The following NKAIN3 variants were observed in gnomAD, a reference collection of about 807,000 sequenced individuals.
The protein encoded by NKAIN3 is sodium/potassium-transporting ATPase subunit beta-1-interacting protein 3.
In NKAIN3, 25 loss-of-function variants were observed where a neutral mutation model predicts 30.2. That is an observed-to-expected ratio of 0.83 (90% CI 0.60 to 1.16). NKAIN3 has a LOEUF of 1.16. Ranked by LOEUF, NKAIN3 falls within the 50% of genes most tolerant of loss-of-function variation. The pLI, the probability that NKAIN3 is intolerant of heterozygous loss-of-function variation, is 0.00. For missense variants in NKAIN3, 225 were observed against 254.1 expected (o/e 0.89, Z 0.78); for synonymous variants, 91 against 89.6 (o/e 1.02, Z -0.09).
intron 2 of NKAIN3, among the ~76,000 whole-genome samples, chr8:62,586,036 A>G (rs2130089194): frequency 6.6e-6 from 1 of 152,350 alleles, no homozygotes; most frequent in Non-Finnish European, 1.5e-5. Context: ...TTGAAATAAG[A>G]TTAACCTTGA....
At chr8:62,770,919 G>A (rs1230588902) in intron 4 of NKAIN3, among the ~76,000 whole-genome samples, 4 of 151,982 alleles carry the variant, frequency 2.6e-5, no homozygotes, top group African/African-American at 9.7e-5. Flanking sequence ...AGGGAATGCA[G>A]AATCCAGAGT....
chr8:62,341,883 T>C (rs1228434147), intron 1 of NKAIN3, among the ~76,000 whole-genome samples: 2 of 152,074 alleles, frequency 1.3e-5, no homozygotes, highest in South Asian at 2.1e-4. Context: ...CTTTTTACTC[T>C]ATGCTGTTTC....
intron 1 of NKAIN3, among the ~76,000 whole-genome samples, chr8:62,319,760 C>T (rs1259381826): frequency 1.3e-5 from 2 of 151,960 alleles, no homozygotes; most frequent in Admixed American, 6.6e-5. Context: ...AACTATGTGG[C>T]CAATTTTGGA....
At chr8:62,459,851 T>C (rs11786913) in intron 1 of NKAIN3, among the ~76,000 whole-genome samples, 50,315 of 151,452 alleles carry the variant, frequency 0.33, 9,616 homozygotes, top group South Asian at 0.45. Context: ...GAGAGGGAGG[T>C]GAAGAAAATA....
At chr8:62,702,451 T>C (rs905879290) in intron 3 of NKAIN3, among the ~76,000 whole-genome samples, 5 of 152,208 alleles carry the variant, frequency 3.3e-5, no homozygotes, top group Non-Finnish European at 5.9e-5. Flanking sequence ...TGTTTGGTTA[T>C]TACAATCTTG....
chr8:62,624,466 A>G lies in NKAIN3; in HGVS notation c.273+34672A>G, dbSNP rs551027124. On this transcript the variant is annotated intron_variant, in intron 3 of 6. Transcript: ENST00000623646. ...TCATGTTTTCTGAGAAGTCAGATGT[A>G]ATTCTTTGCTCCTCTGCAGAGGAGC... Among the ~76,000 whole-genome samples, 3 of 151,082 alleles carry G rather than the reference A, an allele frequency of 2.0e-5. No individual in the cohort carries two copies. In the East Asian group the frequency reaches 5.9e-4, roughly 30 times the overall value.
chr8:62,828,138 T>C (rs1455115677), intron 4 of NKAIN3, among the ~76,000 whole-genome samples: 1 of 152,330 alleles, frequency 6.6e-6, no homozygotes, highest in East Asian at 1.9e-4. Context: ...AATAACATTG[T>C]AAGCAGCCAG....
intron 1 of NKAIN3, among the ~76,000 whole-genome samples, chr8:62,457,476 G>A (rs1268596443): frequency 6.6e-6 from 1 of 152,212 alleles, no homozygotes; most frequent in Non-Finnish European, 1.5e-5. Flanking sequence ...TGGAGGGTAA[G>A]CATGCTGCCT....
intron 6 of NKAIN3, among the ~76,000 whole-genome samples, chr8:62,954,514 T>C (rs1392808754): frequency 6.6e-6 from 1 of 152,198 alleles, no homozygotes; most frequent in Admixed American, 6.5e-5. Flanking sequence ...GAACAAGTTT[T>C]CTATGTTCTT....
intron 4 of NKAIN3, among the ~76,000 whole-genome samples, chr8:62,812,201 A>T (rs1818509155): frequency 6.6e-6 from 1 of 151,930 alleles, no homozygotes. Flanking sequence ...TCTAAGTATC[A>T]ATCTCTTCAT....
intron 4 of NKAIN3, among the ~76,000 whole-genome samples, chr8:62,879,620 G>A (rs1820914331): frequency 6.6e-6 from 1 of 152,146 alleles, no homozygotes; most frequent in Non-Finnish European, 1.5e-5. Flanking sequence ...CTGTCTATGG[G>A]TGGGTCCAAA....
intron 3 of NKAIN3, among the ~76,000 whole-genome samples, chr8:62,595,967 G>A (rs1810819087): frequency 6.6e-6 from 1 of 151,998 alleles, no homozygotes; most frequent in African/African-American, 2.4e-5. Flanking sequence ...AAAGATACAA[G>A]GATTGAAATG....
At chr8:62,398,455 G>A (rs1435732352) in intron 1 of NKAIN3, among the ~76,000 whole-genome samples, 1 of 152,034 alleles carries the variant, frequency 6.6e-6, no homozygotes, top group Non-Finnish European at 1.5e-5. Flanking sequence ...GAAAACTAGA[G>A]CTTTGGCAGT....
chr8:62,396,813 A>T (rs1365392778), intron 1 of NKAIN3, among the ~76,000 whole-genome samples: 1 of 152,074 alleles, frequency 6.6e-6, no homozygotes, highest in Non-Finnish European at 1.5e-5. Context: ...GAAGCTTCTT[A>T]TTGCGGCTTT....
chr8:62,962,412 T>C (rs1228787312), intron 6 of NKAIN3, among the ~76,000 whole-genome samples: 1 of 152,236 alleles, frequency 6.6e-6, no homozygotes, highest in Admixed American at 6.5e-5. Context: ...CAAGTGATTA[T>C]GGGCTGAGTA....
intron 5 of NKAIN3, among the ~76,000 whole-genome samples, chr8:62,997,325 C>T (rs567480991): frequency 2.0e-5 from 3 of 151,830 alleles, no homozygotes; most frequent in African/African-American, 7.2e-5. Flanking sequence ...TTTGGATTAA[C>T]TTCTGAAAAA....
intron 3 of NKAIN3, among the ~76,000 whole-genome samples, chr8:62,731,680 C>A (rs989044653): frequency 6.6e-6 from 1 of 152,034 alleles, no homozygotes; most frequent in Non-Finnish European, 1.5e-5. Context: ...AAAAGTTAGC[C>A]CCCGAAACCG....
rs1193858702 is a variant in NKAIN3, at chr8:62,965,422, T to C, written c.*15T>C. The C allele has an allele frequency of 5.1e-6, 5 of 985,766 alleles. No individual in the cohort carries two copies. Among genetic ancestry groups the C allele is most frequent in the Non-Finnish European group, 6.0e-6 (5 of 829,918 alleles). The allele number at this position is 985,766 out of a possible 1,614,324, so 61.1% of individuals were successfully genotyped here. A position where few individuals can be genotyped will look rare whatever the true frequency, so the allele number is the denominator to read the frequency against. On this transcript the variant is annotated 3_prime_UTR_variant, in exon 7 of 7. Transcript: ENST00000623646. ...ACTTGACTTAGGGAGCAAAGGACCA[T>C]TGACTGCGCGCCTCGGTGGATCCGA...
rs79860183 is a variant in NKAIN3 at position 62,264,585 on chromosome 8, A to G, written c.54+15458A>G. 3.7e-3 allele frequency among the ~76,000 whole-genome samples: 565 copies of G among 152,146 alleles called. 3 individuals carry two copies. The highest frequency in any genetic ancestry group is 5.5e-3 in the Non-Finnish European group (375 of 67,988). ...CTAACTGGTGATTCTACCCTATGTT[A>G]TTGGTCTGGGCCTATGGATATAATA... On this transcript the variant is annotated intron_variant, in intron 1 of 6. Coordinates refer to ENST00000623646, the MANE Select transcript of NKAIN3 (RefSeq NM_001304533.3).
Sources: gnomAD v4.1 joint callset for allele counts (sites outside exome capture counted in the v4.1 genomes callset) on GRCh38, gnomAD v4.1.1 for gene constraint, MANE v1.5 for transcripts, NCBI Gene and HGNC (gene_info 2026-07-23, HGNC 2026-07-21) for gene names.